RPS6KA2: variants seen among roughly 807,000 people sequenced by gnomAD.
The protein encoded by RPS6KA2 is ribosomal protein S6 kinase alpha-2.
A neutral mutation model predicts 91.8 loss-of-function variants in RPS6KA2; 42 were observed. The ratio of observed to expected loss-of-function variants is 0.46; its 90% CI spans 0.36 to 0.59. The LOEUF (loss-of-function observed/expected upper bound fraction) is 0.59. Ranked by LOEUF, RPS6KA2 falls within the 20% of genes least tolerant of loss-of-function variation. The pLI, the probability that RPS6KA2 is intolerant of heterozygous loss-of-function variation, is 0.00. For missense variants in RPS6KA2, 798 were observed against 978.5 expected (o/e 0.82, Z 2.46); for synonymous variants, 414 against 393.6 (o/e 1.05, Z -0.61).
At chr6:166,432,616 C>A in intron 14 of RPS6KA2, 126 bp from the exon 15 acceptor site, 1 of 581,346 alleles carries the variant, frequency 1.7e-6, no homozygotes, top group East Asian at 2.9e-5. Context: ...ATCTCACACC[C>A]GACCAAGAGA....
chr6:166,847,742 C>T (rs1267220770), intron 2 of RPS6KA2, among the ~76,000 whole-genome samples: 1 of 152,106 alleles, frequency 6.6e-6, no homozygotes, highest in Non-Finnish European at 1.5e-5. Context: ...CATCTCTCAC[C>T]TTATATAAAA....
intron 2 of RPS6KA2, chr6:166,702,713 C>A: frequency 7.7e-7 from 1 of 1,300,116 alleles, no homozygotes. Flanking sequence ...TCTGGGCAGT[C>A]CACGAACGCG....
intron 1 of RPS6KA2, among the ~76,000 whole-genome samples, chr6:166,539,155 C>T (rs568447638): frequency 1.1e-4 from 16 of 152,234 alleles, no homozygotes; most frequent in Non-Finnish European, 1.6e-4. Flanking sequence ...CCTGACCTCG[C>T]GATCCACCTG....
chr6:166,608,399 A>G (rs1049860029), intron 1 of RPS6KA2, among the ~76,000 whole-genome samples: 1 of 152,190 alleles, frequency 6.6e-6, no homozygotes, highest in African/African-American at 2.4e-5. Flanking sequence ...ATTTGGTGCT[A>G]CAAAAATTAA....
rs535277372 is a variant in RPS6KA2, at chr6:166,411,513, C to G, written c.*1249G>C. On this transcript the variant is annotated 3_prime_UTR_variant, in exon 21 of 21. Transcript: ENST00000265678. This position sits in a 1 kb window ranked among gnomAD's most constrained non-coding sequence, Gnocchi z 4.5. ...GCGTCGATCCTGCTGCCCGGAACCT[C>G]TCACTCGATTTTACTCAATGAAGTA... 15 of 152,468 alleles carry G rather than the reference C, an allele frequency of 9.8e-5. No homozygotes were observed. Among genetic ancestry groups the G allele is most frequent in the African/African-American group, 3.6e-4 (15 of 41,556 alleles). The allele number at this position is 152,468 out of a possible 1,614,324, so 9.4% of individuals were successfully genotyped here.
At chr6:166,795,074 T>C (rs1452367679) in intron 2 of RPS6KA2, among the ~76,000 whole-genome samples, 1 of 152,096 alleles carries the variant, frequency 6.6e-6, no homozygotes, top group South Asian at 2.1e-4. Flanking sequence ...GAAATGTTTA[T>C]ACTTTTGTAT....
At chr6:166,637,981 G>C (rs908732571) in intron 2 of RPS6KA2, among the ~76,000 whole-genome samples, 1 of 152,260 alleles carries the variant, frequency 6.6e-6, no homozygotes, top group African/African-American at 2.4e-5. Context: ...TAAGCAGGGG[G>C]CCGGGAGCGT....
chr6:166,492,847 C>G (rs999910517), intron 8 of RPS6KA2, among the ~76,000 whole-genome samples: 9 of 150,498 alleles, frequency 6.0e-5, no homozygotes, highest in African/African-American at 2.2e-4. Context: ...TCCCGAGTAG[C>G]TGGGACTACA....
In RPS6KA2 at chr6:166,490,759, G is replaced by A. The variant is rs771439917; in HGVS notation, c.748-18C>T. 8.7e-6 allele frequency: 14 copies of A among 1,600,392 alleles called. No homozygotes were observed. The Admixed American group carries it at 2.0e-4, about 23-fold the overall frequency. On this transcript the variant is annotated intron_variant, in intron 8 of 20. Coordinates refer to ENST00000265678, the MANE Select transcript of RPS6KA2 (RefSeq NM_021135.6). This position sits in a 1 kb window ranked among gnomAD's most constrained non-coding sequence, Gnocchi z 4.2. ...ATCTCAAACTGCAGAGCAACACAGA[G>A]CACAGTGAGTTCATTCATCCAGATG...
chr6:166,609,585 C>T (rs552365285), intron 1 of RPS6KA2, among the ~76,000 whole-genome samples: 5 of 151,346 alleles, frequency 3.3e-5, no homozygotes, highest in East Asian at 1.9e-4. Flanking sequence ...CCGTAATCTC[C>T]GCCTCCTGGG....
In RPS6KA2 at chr6:166,610,148, C is replaced by T. The variant is rs115087971; in HGVS notation, c.99+16773G>A. 3.9e-3 allele frequency among the ~76,000 whole-genome samples: 592 copies of T among 152,246 alleles called. 4 individuals are homozygous for T. The highest frequency in any genetic ancestry group is 0.014 in the African/African-American group (570 of 41,520). On this transcript the variant is annotated intron_variant, in intron 1 of 20. Transcript: ENST00000265678. ...GTAAACAGCGTGAGGGAAAGATGTT[C>T]TGAAATGGTTATATAAGCACGTGTG...
rs535140374 is a variant in RPS6KA2 at position 166,648,026 on chromosome 6, A to G, written c.124-109242T>C. The stretch of plus-strand genomic sequence containing the variant: ...CACACGCACATGCTTACACACATAC[A>G]TACACACATGCTCTCACACACATGC... On this transcript the variant is annotated intron_variant, in intron 2 of 21. Transcript: ENST00000503859. This position sits in a 1 kb window ranked among gnomAD's most constrained non-coding sequence, Gnocchi z 4.8. Among the ~76,000 whole-genome samples the G allele has an allele frequency of 2.2e-4, 31 of 139,170 alleles. No individual in the cohort carries two copies. The East Asian group carries it at 4.5e-3, about 20-fold the overall frequency. 91.3% of individuals were successfully genotyped at this position (139,170 alleles called of 152,430 possible).
intron 14 of RPS6KA2, among the ~76,000 whole-genome samples, chr6:166,442,037 G>T (rs1779535581): frequency 1.3e-5 from 2 of 152,200 alleles, no homozygotes. Context: ...TTTCACTGGG[G>T]TACACCCAGA....
At chr6:166,647,413 C>A (rs910465173) in intron 2 of RPS6KA2, among the ~76,000 whole-genome samples, 3 of 152,164 alleles carry the variant, frequency 2.0e-5, no homozygotes, top group African/African-American at 7.2e-5. Context: ...GGGATGTGGG[C>A]CTCCAGGATT....
rs1426761711 is a variant in RPS6KA2, at chr6:166,733,488, A to G, written c.123+124712T>C. Among the ~76,000 whole-genome samples, 2 of 152,264 alleles carry G rather than the reference A, an allele frequency of 1.3e-5. No homozygotes were observed. Among genetic ancestry groups the G allele is most frequent in the Non-Finnish European group, 2.9e-5 (2 of 68,046 alleles). On this transcript the variant is annotated intron_variant, in intron 2 of 21. Coordinates refer to the RPS6KA2 transcript ENST00000503859. This position sits in a 1 kb window ranked among gnomAD's most constrained non-coding sequence, Gnocchi z 4.1. ...CCTTACAGTACGAGTTTTGGGTACT[A>G]ACCCCATGGCTGACCTTTCTGATCT...
At chr6:166,745,578 T>C (rs1204467858) in intron 2 of RPS6KA2, among the ~76,000 whole-genome samples, 1 of 152,232 alleles carries the variant, frequency 6.6e-6, no homozygotes, top group African/African-American at 2.4e-5. Context: ...GGTCCTGGGC[T>C]TAGAGTTCCA....
At chr6:166,771,013 C>A in intron 2 of RPS6KA2, 2 of 945,644 alleles carry the variant, frequency 2.1e-6, no homozygotes, top group Non-Finnish European at 3.1e-6. Context: ...ACTCACCAGG[C>A]CTGTGAGCTT....
intron 2 of RPS6KA2, among the ~76,000 whole-genome samples, chr6:166,723,925 C>T (rs1267571034): frequency 2.6e-5 from 4 of 152,168 alleles, no homozygotes; most frequent in Non-Finnish European, 4.4e-5. Flanking sequence ...GCCTCGAACT[C>T]CTGACCTCAG....
At chr6:166,851,655 C>G (rs939098383) in intron 2 of RPS6KA2, among the ~76,000 whole-genome samples, 2 of 152,168 alleles carry the variant, frequency 1.3e-5, no homozygotes, top group African/African-American at 4.8e-5. Flanking sequence ...CCGGTGCCCA[C>G]GATTTTAGAG....
Sources: allele counts gnomAD v4.1 joint callset (sites outside exome capture counted in the v4.1 genomes callset), GRCh38; gene constraint gnomAD v4.1.1; non-coding constraint Gnocchi (gnomAD v3.1); transcripts MANE v1.5; gene names NCBI Gene and HGNC (gene_info 2026-07-23, HGNC 2026-07-21).